ITGB6: variants seen among roughly 807,000 people sequenced by gnomAD.
The protein encoded by ITGB6 is integrin subunit beta 6, also known as integrin beta-6.
A neutral mutation model predicts 84.5 loss-of-function variants in ITGB6; 80 were observed. The ratio of observed to expected loss-of-function variants is 0.95; its 90% CI spans 0.79 to 1.14. The LOEUF (loss-of-function observed/expected upper bound fraction) is 1.14. ITGB6 is among the 50% of genes most tolerant of loss of function. The probability of loss-of-function intolerance (pLI) is 0.00; values close to 1 mark genes in which losing one functional copy is unlikely to be tolerated. For missense variants in ITGB6, 1,006 were observed against 968.0 expected, an observed-to-expected ratio of 1.04 and a Z score of -0.52; for synonymous variants, 383 against 354.9, an observed-to-expected ratio of 1.08 and a Z score of -0.89.
chr2:160,160,645 G>A (rs1166048031), intron 7 of ITGB6, among the ~76,000 whole-genome samples: 1 of 152,146 alleles, frequency 6.6e-6, no homozygotes, highest in African/African-American at 2.4e-5. Flanking sequence ...TGTCCCGGGG[G>A]TTGTCAGTTT....
intron 13 of ITGB6, among the ~76,000 whole-genome samples, chr2:160,111,701 T>C (rs1450177277): frequency 6.7e-6 from 1 of 149,188 alleles, no homozygotes; most frequent in Non-Finnish European, 1.5e-5. Flanking sequence ...TGCCTCAGCC[T>C]CCCAAGTAGC....
chr2:160,171,359 G>A (rs1401156902), intron 6 of ITGB6, among the ~76,000 whole-genome samples: 2 of 147,466 alleles, frequency 1.4e-5, no homozygotes, highest in Admixed American at 1.4e-4. Flanking sequence ...TTTGGAGACG[G>A]AGTCTCGCTC....
rs190267658 is a variant in ITGB6, at chr2:160,154,015, G to A, written c.1018-11944C>T. ...GTAAATTAGTTAAACCATTGTGGAA[G>A]ACAGTGTGGTGATTCCCCAAGGATC... is the stretch of plus-strand genomic sequence containing the variant. On this transcript the variant is annotated intron_variant, in intron 7 of 14. Coordinates refer to ENST00000283249, the MANE Select transcript of ITGB6 (RefSeq NM_000888.5). 9.1e-4 allele frequency among the ~76,000 whole-genome samples: 139 copies of A among 152,320 alleles called. 1 individual carries two copies. Among genetic ancestry groups the A allele is most frequent in the Middle Eastern group, 3.4e-3 (1 of 294 alleles).
chr2:160,168,725 A>G (rs1685095822), intron 7 of ITGB6, among the ~76,000 whole-genome samples: 1 of 152,162 alleles, frequency 6.6e-6, no homozygotes, highest in Non-Finnish European at 1.5e-5. Flanking sequence ...TTTTGGCCCC[A>G]TATAACAAGT....
rs1435775008 is a variant in ITGB6 at position 160,174,118 on chromosome 2, T to C, written c.615A>G (p.Leu205=). Residue 205 remains leucine, a synonymous_variant, in exon 5 of 15, where the codon TTA becomes TTG. Transcript: ENST00000283249. ...NPCSSIPYFC[L]PTFGFKHILP... ...AAATGTGCTTGAATCCAAATGTAGGTAAACAGAAGTATGGAATACTACTGC... is the reference window on the plus strand; with the variant it reads ...AAATGTGCTTGAATCCAAATGTAGGCAAACAGAAGTATGGAATACTACTGC... 6.2e-7 allele frequency: 1 copy of C among 1,608,632 alleles called. No homozygotes were observed. The highest frequency in any genetic ancestry group is 8.5e-7 in the Non-Finnish European group (1 of 1,178,504).
At chr2:160,172,519 C>T (rs201029557) in intron 6 of ITGB6, 50 bp downstream of exon 6, 16 of 1,500,988 alleles carry the variant, frequency 1.1e-5, no homozygotes, top group East Asian at 6.9e-5. Context: ...GTTGTTGCTT[C>T]GTTCTCCTAC....
chr2:160,133,224 A>G (rs896810175), intron 10 of ITGB6, among the ~76,000 whole-genome samples: 1 of 152,112 alleles, frequency 6.6e-6, no homozygotes, highest in Non-Finnish European at 1.5e-5. Context: ...GAAGATCTAC[A>G]AAGCAAACGG....
At chr2:160,191,783 C>T (rs1202773441) in intron 4 of ITGB6, among the ~76,000 whole-genome samples, 2 of 152,264 alleles carry the variant, frequency 1.3e-5, no homozygotes, top group East Asian at 1.9e-4. Context: ...CTATAAAAAT[C>T]ACACTAGAAC....
At chr2:160,137,217 A>T (rs1683775236) in intron 10 of ITGB6, among the ~76,000 whole-genome samples, 1 of 152,172 alleles carries the variant, frequency 6.6e-6, no homozygotes. Context: ...GGGAAACAAT[A>T]ATAGACATAA....
At chr2:160,102,229 T>TA (rs1226341694) in intron 14 of ITGB6, among the ~76,000 whole-genome samples, 2 of 151,714 alleles carry the variant, frequency 1.3e-5, no homozygotes, top group Non-Finnish European at 2.9e-5. Context: ...GCCAAAAAAG[T>TA]AAAAAACAGG....
At chr2:160,133,074 T>C (rs533511150) in intron 10 of ITGB6, among the ~76,000 whole-genome samples, 1 of 152,164 alleles carries the variant, frequency 6.6e-6, no homozygotes, top group African/African-American at 2.4e-5. Context: ...CTACCTAGTT[T>C]TTACTTTTCC....
At chr2:160,134,265 T>C (rs560409696) in intron 10 of ITGB6, among the ~76,000 whole-genome samples, 1 of 152,318 alleles carries the variant, frequency 6.6e-6, no homozygotes, top group Non-Finnish European at 1.5e-5. Flanking sequence ...CATCAGAGAA[T>C]ACTATAAACA....
Position 160,141,985 on chromosome 2 carries a change from A to G in ITGB6, c.1104T>C (p.Tyr368=), listed in dbSNP as rs373093213. Residue 368 remains tyrosine, a synonymous_variant, in exon 8 of 15, where the codon TAT becomes TAC. Transcript: ENST00000283249. ...GNILQLIISA[Y]EELRSEVELE... is the part of the protein sequence containing the mutation. ...AGCCAGCTGTAAAATATCCTACTTC[A>G]TAAGCTGAGATGATCAGCTGGAGAA... The G allele has an allele frequency of 4.4e-6, 7 of 1,587,844 alleles. No individual in the cohort carries two copies. The highest frequency in any genetic ancestry group is 6.0e-6 in the Non-Finnish European group (7 of 1,159,716).
At chr2:160,107,260 A>T (rs1043636197) in intron 14 of ITGB6, among the ~76,000 whole-genome samples, 2 of 152,192 alleles carry the variant, frequency 1.3e-5, no homozygotes, top group Non-Finnish European at 2.9e-5. Context: ...ATTGGCATGA[A>T]TTATCGTACT....
chr2:160,191,114 T>A (rs1346777849), intron 4 of ITGB6, among the ~76,000 whole-genome samples: 1 of 152,222 alleles, frequency 6.6e-6, no homozygotes, highest in African/African-American at 2.4e-5. Flanking sequence ...TGTTAGATAG[T>A]TAAGAGGTTG....
Position 160,174,037 on chromosome 2 carries a change from A to C in ITGB6, c.696T>G (p.Ile232Met). The change falls in exon 5 of 15, where the codon ATT becomes ATG. Residue 232 changes from isoleucine (I) to methionine (M), a missense_variant. Transcript: ENST00000283249. ...RFNEIVKNQKISANIDTPEGG... is the reference protein window; with the variant it reads ...RFNEIVKNQKMSANIDTPEGG... ...CTTCGGGTGTGTCAATATTAGCAGA[A>C]ATTTTCTGATTCTTCACAATTTCAT... The C allele has an allele frequency of 6.2e-7, 1 of 1,613,778 alleles. No homozygotes were observed.
chr2:160,190,537 G>C (rs1479416787), intron 4 of ITGB6, among the ~76,000 whole-genome samples: 1 of 152,162 alleles, frequency 6.6e-6, no homozygotes, highest in Non-Finnish European at 1.5e-5. Context: ...CTATGTACCT[G>C]CTTCCCCAAA....
At chr2:160,135,264 GACAA>G (rs1000273941) in intron 10 of ITGB6, among the ~76,000 whole-genome samples, 1 of 152,078 alleles carries the variant, frequency 6.6e-6, no homozygotes, top group Admixed American at 6.6e-5. Flanking sequence ...ACTAATAACA[GACAA>G]ACAGAGCCAA....
At chr2:160,157,153 A>G (rs1023478293) in intron 7 of ITGB6, among the ~76,000 whole-genome samples, 1 of 152,132 alleles carries the variant, frequency 6.6e-6, no homozygotes, top group African/African-American at 2.4e-5. Context: ...GTCTCTTCAT[A>G]TAAGGACACC....
Sources: allele counts gnomAD v4.1 joint callset (sites outside exome capture counted in the v4.1 genomes callset), GRCh38; gene constraint gnomAD v4.1.1; transcripts MANE v1.5; gene names NCBI Gene and HGNC (gene_info 2026-07-23, HGNC 2026-07-21).